KCNJ6: variants seen among roughly 807,000 people sequenced by gnomAD.
The protein encoded by KCNJ6 is potassium inwardly rectifying channel subfamily J member 6, also known as G protein-activated inward rectifier potassium channel 2.
A neutral mutation model predicts 34.2 loss-of-function variants in KCNJ6; 9 were observed. The ratio of observed to expected loss-of-function variants is 0.26; its 90% confidence interval spans 0.16 to 0.46. The LOEUF is 0.46. Ranked by LOEUF, KCNJ6 falls within the 20% of genes least tolerant of loss-of-function variation. The pLI is 1.00. For synonymous variants in KCNJ6, 196 were observed against 207.1 expected (o/e 0.95, Z 0.46); for missense variants, 236 against 531.3 (o/e 0.44, Z 5.46).
intron 1 of KCNJ6, among the ~76,000 whole-genome samples, chr21:37,915,080 C>G (rs1257319734): frequency 6.6e-6 from 1 of 152,134 alleles, no homozygotes; most frequent in African/African-American, 2.4e-5. Flanking sequence ...AACAGATGTA[C>G]CTGTGGATCC....
chr21:37,704,088 G>C (rs1416953718), intron 3 of KCNJ6, among the ~76,000 whole-genome samples: 1 of 152,208 alleles, frequency 6.6e-6, no homozygotes, highest in Non-Finnish European at 1.5e-5. Context: ...CTAGCCTTGG[G>C]GGTATGGGGT....
At chr21:37,730,870 C>A (rs1421136186) in intron 2 of KCNJ6, among the ~76,000 whole-genome samples, 1 of 152,168 alleles carries the variant, frequency 6.6e-6, no homozygotes, top group Non-Finnish European at 1.5e-5. Context: ...AAAAAGCCAA[C>A]CCTTACTGAA....
At chr21:37,639,151 AC>A (rs1423337505) in intron 3 of KCNJ6, among the ~76,000 whole-genome samples, 1 of 152,212 alleles carries the variant, frequency 6.6e-6, no homozygotes, top group Non-Finnish European at 1.5e-5. Context: ...ACCTAATAGA[AC>A]ACTCACCAAG....
intron 2 of KCNJ6, among the ~76,000 whole-genome samples, chr21:37,787,323 A>G (rs2055197365): frequency 6.6e-6 from 1 of 152,174 alleles, no homozygotes. Context: ...ATAGTATAAC[A>G]GCTTCATGTT....
At chr21:37,699,689 G>A (rs1231503557) in intron 3 of KCNJ6, among the ~76,000 whole-genome samples, 28 of 152,202 alleles carry the variant, frequency 1.8e-4, no homozygotes, top group Non-Finnish European at 8.8e-5. Flanking sequence ...AAGGGGCACA[G>A]GGATATTCCT....
chr21:37,657,521 T>C (rs57299765), intron 3 of KCNJ6, among the ~76,000 whole-genome samples: 23,453 of 151,976 alleles, frequency 0.15, 2,894 homozygotes, highest in African/African-American at 0.34. Context: ...TTCCTGCTCT[T>C]CCTTAGTAGC....
chr21:37,890,998 A>C (rs1033653130), intron 1 of KCNJ6, among the ~76,000 whole-genome samples: 12 of 152,158 alleles, frequency 7.9e-5, no homozygotes, highest in Non-Finnish European at 1.6e-4. Flanking sequence ...AATTCTGGAA[A>C]TTTCTCCCTA....
intron 3 of KCNJ6, among the ~76,000 whole-genome samples, chr21:37,705,912 ACAAG>A (rs2054717094): frequency 6.7e-6 from 1 of 150,294 alleles, no homozygotes; most frequent in South Asian, 2.1e-4. Context: ...TACCTTGGTG[ACAAG>A]CAACCCAAAT....
chr21:37,677,983 C>T (rs932184131), intron 3 of KCNJ6, among the ~76,000 whole-genome samples: 3 of 151,836 alleles, frequency 2.0e-5, no homozygotes, highest in Non-Finnish European at 4.4e-5. Context: ...TTGCCTAGCC[C>T]TACAAAAGTT....
chr21:37,897,191 TA>T (rs1277718348), intron 1 of KCNJ6, among the ~76,000 whole-genome samples: 1 of 152,214 alleles, frequency 6.6e-6, no homozygotes, highest in Non-Finnish European at 1.5e-5. Flanking sequence ...AAGGCAGCTC[TA>T]AAAAGAAGTC....
intron 3 of KCNJ6, among the ~76,000 whole-genome samples, chr21:37,626,182 G>A (rs796765695): frequency 5.3e-5 from 8 of 150,640 alleles, no homozygotes; most frequent in African/African-American, 2.0e-4. Flanking sequence ...CCAGGCTGGA[G>A]TGCAGTGGTG....
intron 1 of KCNJ6, among the ~76,000 whole-genome samples, chr21:37,844,936 G>A (rs1260121845): frequency 2.0e-5 from 3 of 152,194 alleles, no homozygotes; most frequent in African/African-American, 4.8e-5. Flanking sequence ...TGGCTGGGAG[G>A]TAGTGTGTGG....
At chr21:37,840,740 T>C in intron 1 of KCNJ6, 31 bp from the exon 2 acceptor site, 1 of 1,225,806 alleles carries the variant, frequency 8.2e-7, no homozygotes, top group Non-Finnish European at 1.2e-6. Context: ...CAATTATCTG[T>C]AAAACATGTC....
rs921398710 is a variant in KCNJ6 at position 37,610,302 on chromosome 21, A to G, written c.*14857T>C. On this transcript the variant is annotated 3_prime_UTR_variant, in exon 4 of 4. Coordinates refer to ENST00000609713, the MANE Select transcript of KCNJ6 (RefSeq NM_002240.5). ...GTCTTTTTGCTTAAGCTTGCATGGA[A>G]TGTTCATCAAGTTAGACTGCATTCT... 7.2e-5 allele frequency: 11 copies of G among 152,202 alleles called. No homozygotes were observed. The highest frequency in any genetic ancestry group is 3.9e-4 in the Admixed American group (6 of 15,272). The allele number at this position is 152,202 out of a possible 1,614,324, so 9.4% of individuals were successfully genotyped here. A position where few individuals can be genotyped will look rare whatever the true frequency, so the allele number is the denominator to read the frequency against.
At chr21:37,775,882 G>A (rs2055139732) in intron 2 of KCNJ6, among the ~76,000 whole-genome samples, 3 of 151,880 alleles carry the variant, frequency 2.0e-5, no homozygotes, top group South Asian at 2.1e-4. Context: ...TTCCAATTCT[G>A]TGAAGAAAGT....
intron 3 of KCNJ6, among the ~76,000 whole-genome samples, chr21:37,706,198 C>T (rs2054718678): frequency 6.6e-6 from 1 of 152,210 alleles, no homozygotes; most frequent in Non-Finnish European, 1.5e-5. Context: ...GAAATGCAAT[C>T]TAATACGTGT....
At chr21:37,658,652 GTAAGCTC>G (rs767512387) in intron 3 of KCNJ6, among the ~76,000 whole-genome samples, 11 of 152,224 alleles carry the variant, frequency 7.2e-5, no homozygotes, top group Non-Finnish European at 1.3e-4. Flanking sequence ...ACTAGGCAAT[GTAAGCTC>G]CAGAGGCAGC....
intron 3 of KCNJ6, among the ~76,000 whole-genome samples, chr21:37,700,755 TG>T (rs2054686618): frequency 2.6e-5 from 4 of 152,094 alleles, no homozygotes; most frequent in African/African-American, 9.7e-5. Flanking sequence ...TTGTGCAGGA[TG>T]TACACTGCAC....
chr21:37,638,492 A>G (rs578037454), intron 3 of KCNJ6, among the ~76,000 whole-genome samples: 1 of 152,316 alleles, frequency 6.6e-6, no homozygotes, highest in South Asian at 2.1e-4. Context: ...ACACCTAAAG[A>G]TTGATAACAT....
Sources: allele counts gnomAD v4.1 joint callset (sites outside exome capture counted in the v4.1 genomes callset), GRCh38; gene constraint gnomAD v4.1.1; transcripts MANE v1.5; gene names NCBI Gene and HGNC (gene_info 2026-07-23, HGNC 2026-07-21).